Variants in SSBP2 observed in about 807,000 individuals in gnomAD.
SSBP2 encodes the protein single stranded DNA binding protein 2.
A neutral mutation model predicts 61.8 loss-of-function variants in SSBP2; 17 were observed. The ratio of observed to expected loss-of-function variants is 0.28; its 90% CI spans 0.19 to 0.41. SSBP2 has a LOEUF of 0.41. Ranked by LOEUF, SSBP2 falls within the 10% of genes least tolerant of loss-of-function variation. SSBP2 has a pLI of 1.00. For synonymous variants in SSBP2, 139 were observed against 141.3 expected (o/e 0.98, Z 0.12); for missense variants, 310 against 458.7 (o/e 0.68, Z 2.96).
chr5:81,454,709 AAT>A (rs1329319360), intron 10 of SSBP2, among the ~76,000 whole-genome samples: 2 of 152,050 alleles, frequency 1.3e-5, no homozygotes, highest in African/African-American at 4.8e-5. Context: ...AATAAATAAA[AAT>A]AAAAAAGAGA....
At chr5:81,478,042 A>G (rs1381671560) in intron 6 of SSBP2, among the ~76,000 whole-genome samples, 2 of 152,194 alleles carry the variant, frequency 1.3e-5, no homozygotes. Flanking sequence ...CAAGAAGGAA[A>G]AAGTAGCCAA....
At chr5:81,585,037 T>C (rs1292975401) in intron 4 of SSBP2, among the ~76,000 whole-genome samples, 3 of 152,128 alleles carry the variant, frequency 2.0e-5, no homozygotes, top group Non-Finnish European at 4.4e-5. Flanking sequence ...ATAAGAAAAG[T>C]AGGTCTTCCT....
At chr5:81,733,234 A>T (rs1433978887) in intron 1 of SSBP2, among the ~76,000 whole-genome samples, 2 of 152,198 alleles carry the variant, frequency 1.3e-5, no homozygotes, top group Non-Finnish European at 2.9e-5. Flanking sequence ...CAACAATCTC[A>T]GGATTCCACT....
chr5:81,686,552 T>A (rs1349063514), intron 1 of SSBP2, among the ~76,000 whole-genome samples: 1 of 151,690 alleles, frequency 6.6e-6, no homozygotes, highest in African/African-American at 2.4e-5. Flanking sequence ...ACAGAACAAG[T>A]CACTAAAAAA....
chr5:81,427,344 T>C (rs557525358), intron 16 of SSBP2, among the ~76,000 whole-genome samples: 163 of 152,298 alleles, frequency 1.1e-3, no homozygotes, highest in Non-Finnish European at 1.7e-3. Flanking sequence ...TGTAAACTGT[T>C]ACACATAAAA....
At chr5:81,595,474 C>A (rs1019111400) in intron 4 of SSBP2, among the ~76,000 whole-genome samples, 8 of 152,138 alleles carry the variant, frequency 5.3e-5, no homozygotes, top group Admixed American at 1.3e-4. Flanking sequence ...AAAGGGAATC[C>A]TCCCTAACTC....
chr5:81,593,433 G>C (rs1222892711), intron 4 of SSBP2, among the ~76,000 whole-genome samples: 1 of 152,176 alleles, frequency 6.6e-6, no homozygotes, highest in Admixed American at 6.5e-5. Context: ...TATTATCCAG[G>C]AAAACTTCCC....
At chr5:81,556,202 C>T (rs1250950583) in intron 4 of SSBP2, among the ~76,000 whole-genome samples, 1 of 152,020 alleles carries the variant, frequency 6.6e-6, no homozygotes, top group Non-Finnish European at 1.5e-5. Context: ...ATATAGTGAC[C>T]TTTTCCTACC....
chr5:81,551,729 A>G (rs1269891328), intron 4 of SSBP2, among the ~76,000 whole-genome samples: 2 of 152,208 alleles, frequency 1.3e-5, no homozygotes, highest in Non-Finnish European at 2.9e-5. Context: ...TCAGTGCTGA[A>G]AACAATTAAA....
chr5:81,680,646 G>A (rs1036428140), intron 1 of SSBP2, among the ~76,000 whole-genome samples: 19 of 152,234 alleles, frequency 1.2e-4, no homozygotes, highest in South Asian at 6.2e-4. Flanking sequence ...AGACTTCAGA[G>A]TAAGGAGGCC....
chr5:81,727,246 T>C (rs1414739905), intron 1 of SSBP2, among the ~76,000 whole-genome samples: 3 of 152,172 alleles, frequency 2.0e-5, no homozygotes, highest in Non-Finnish European at 4.4e-5. Context: ...GTTGGGGGTA[T>C]TAATCACATA....
At chr5:81,704,864 G>A (rs1754256945) in intron 1 of SSBP2, among the ~76,000 whole-genome samples, 1 of 145,516 alleles carries the variant, frequency 6.9e-6, no homozygotes, top group African/African-American at 2.5e-5. Context: ...ACTAGGCTAA[G>A]TTTAAATGAG....
At chr5:81,613,903 GC>G (rs1745715076) in intron 4 of SSBP2, among the ~76,000 whole-genome samples, 1 of 152,160 alleles carries the variant, frequency 6.6e-6, no homozygotes, top group African/African-American at 2.4e-5. Context: ...CCTGGGCCCT[GC>G]TTTATCTACT....
At chr5:81,629,320 G>T (rs1030878829) in intron 3 of SSBP2, among the ~76,000 whole-genome samples, 1 of 152,186 alleles carries the variant, frequency 6.6e-6, no homozygotes, top group Admixed American at 6.5e-5. Context: ...TGCCAACTGA[G>T]TGTCTAAAGG....
chr5:81,679,298 T>G (rs1229869768), intron 1 of SSBP2, among the ~76,000 whole-genome samples: 1 of 152,236 alleles, frequency 6.6e-6, no homozygotes, highest in African/African-American at 2.4e-5. Flanking sequence ...CATGTGCCAC[T>G]GTGCCCAGAC....
intron 1 of SSBP2, among the ~76,000 whole-genome samples, chr5:81,703,844 T>C (rs906994384): frequency 3.9e-5 from 6 of 152,380 alleles, no homozygotes; most frequent in South Asian, 4.1e-4. Flanking sequence ...GACTACTTTT[T>C]CATTGTACCC....
chr5:81,489,876 G>C (rs112828091), intron 5 of SSBP2, among the ~76,000 whole-genome samples: 1 of 151,930 alleles, frequency 6.6e-6, no homozygotes, highest in African/African-American at 2.4e-5. Context: ...GGACTCTGTG[G>C]GTGTGGCGGC....
intron 1 of SSBP2, among the ~76,000 whole-genome samples, chr5:81,663,269 ACT>A (rs1246388860): frequency 4.6e-5 from 7 of 152,174 alleles, no homozygotes; most frequent in South Asian, 4.2e-4. Flanking sequence ...CTAATTCCTA[ACT>A]CTCTTTCTAC....
chr5:81,582,283 T>C (rs1167000645), intron 4 of SSBP2, among the ~76,000 whole-genome samples: 1 of 152,138 alleles, frequency 6.6e-6, no homozygotes, highest in Admixed American at 6.5e-5. Flanking sequence ...TTTTATGAAA[T>C]TCATGCTTTT....
Sources: gnomAD v4.1 joint callset for allele counts (sites outside exome capture counted in the v4.1 genomes callset) on GRCh38, gnomAD v4.1.1 for gene constraint, MANE v1.5 for transcripts, NCBI Gene and HGNC (gene_info 2026-07-23, HGNC 2026-07-21) for gene names.